PDE4C: variants seen among roughly 807,000 people sequenced by gnomAD.
PDE4C encodes the protein phosphodiesterase 4C.
Under a neutral mutation model 63.9 loss-of-function variants are expected in PDE4C, and 50 were observed. That is an observed-to-expected ratio of 0.78 (90% confidence interval 0.62 to 0.99). PDE4C has a LOEUF of 0.99. Ranked by LOEUF, PDE4C falls within the 50% of genes least tolerant of loss-of-function variation. The pLI, the probability that PDE4C is intolerant of heterozygous loss-of-function variation, is 0.00. For synonymous variants in PDE4C, 377 were observed against 385.1 expected (o/e 0.98, Z 0.25); for missense variants, 777 against 899.1 (o/e 0.86, Z 1.74).
upstream of PDE4C, chr19:18,252,129 GT>G: frequency 2.5e-6 from 1 of 399,396 alleles, no homozygotes; most frequent in Non-Finnish European, 4.4e-6. Flanking sequence ...GCTGTGGGAA[GT>G]GGGGCTCCAG....
rs1219135049 is a variant in PDE4C at position 18,219,336 on chromosome 19, G to A, written c.768C>T (p.Ser256=). 9 of 1,613,912 alleles carry A rather than the reference G, an allele frequency of 5.6e-6. No individual in the cohort carries two copies. In the East Asian group the frequency reaches 1.8e-4, roughly 32 times the overall value. Residue 256 remains serine, a synonymous_variant, in exon 8 of 15, where the codon TCC becomes TCT. Transcript: ENST00000262805. ...AGAGCCCATGTAGGCCACTGATCCG[G>A]GACATGGGCTGTGGGGCCTCCTCAG...
At chr19:18,222,187 C>T (rs759923759) in exon 2 of PDE4C, 12 of 1,614,136 alleles carry the variant, frequency 7.4e-6, no homozygotes, top group Middle Eastern at 1.6e-4. Context: ...AGTTCATAGT[C>T]GCTATCTGAG....
intron 1 of PDE4C, among the ~76,000 whole-genome samples, chr19:18,240,524 G>A (rs886276874): frequency 9.2e-5 from 14 of 151,528 alleles, no homozygotes; most frequent in South Asian, 4.2e-4. Flanking sequence ...TCAAGAGATC[G>A]AGACCAGCCC....
chr19:18,252,058 A>G (rs1451350898), upstream of PDE4C: 1 of 398,408 alleles, frequency 2.5e-6, no homozygotes, highest in Non-Finnish European at 4.4e-6. Context: ...ATCTCTTAAT[A>G]CTCACCTGGG....
At chr19:18,233,079 C>T in exon 1 of PDE4C, 1 of 1,570,344 alleles carries the variant, frequency 6.4e-7, no homozygotes, top group Non-Finnish European at 8.6e-7. Context: ...GCGGATGGGG[C>T]GCCGGGGTTG....
chr19:18,241,488 C>T (rs866955266), intron 1 of PDE4C, among the ~76,000 whole-genome samples: 18 of 151,834 alleles, frequency 1.2e-4, no homozygotes, highest in East Asian at 5.8e-4. Context: ...GGGATGGTCT[C>T]GATCTCCTGA....
chr19:18,255,242 C>G, the PDE4C span: 1 of 397,756 alleles, frequency 2.5e-6, no homozygotes, highest in African/African-American at 2.1e-5. The surrounding 1 kb of genome is among the most constrained non-coding windows in gnomAD (Gnocchi z 4.6). Context: ...TATTGTAATT[C>G]ACACCAGCTT....
At chr19:18,242,475 CAAA>C (rs748870873) in intron 1 of PDE4C, among the ~76,000 whole-genome samples, 3 of 29,814 alleles carry the variant, frequency 1.0e-4, no homozygotes, top group African/African-American at 1.4e-4. Flanking sequence ...GACTCCATCT[CAAA>C]AAAAAAAAAA....
At chr19:18,210,712 G>T in exon 15 of PDE4C, 2 of 624,232 alleles carry the variant, frequency 3.2e-6, no homozygotes, top group Non-Finnish European at 5.0e-6. Flanking sequence ...CTGCCCCTTA[G>T]AGAGCTCTTT....
At chr19:18,254,633 T>C in the PDE4C span, among the ~76,000 whole-genome samples, 1 of 152,136 alleles carries the variant, frequency 6.6e-6, no homozygotes, top group Non-Finnish European at 1.5e-5. Flanking sequence ...TCAGCAGCCA[T>C]GGTGGCCTCT....
At chr19:18,247,476 A>G (rs540877378) in intron 1 of PDE4C, among the ~76,000 whole-genome samples, 2 of 152,300 alleles carry the variant, frequency 1.3e-5, no homozygotes, top group African/African-American at 4.8e-5. Context: ...TTGTGTGTCT[A>G]GTAGAGACGG....
intron 14 of PDE4C, 41 bp from the exon 15 acceptor site, chr19:18,211,317 C>T: frequency 6.7e-7 from 1 of 1,501,624 alleles, no homozygotes; most frequent in Non-Finnish European, 9.0e-7. Flanking sequence ...TGGTGAGTTA[C>T]AGTGAACCCT....
At chr19:18,250,017 T>G (rs950337736), upstream of PDE4C, 8 of 398,146 alleles carry the variant, frequency 2.0e-5, no homozygotes, top group Middle Eastern at 1.9e-3. Context: ...CCATAACTCG[T>G]GTTTTCACAC....
intron 2 of PDE4C, 42 bp downstream of exon 2, chr19:18,222,090 G>A: frequency 3.3e-6 from 5 of 1,523,844 alleles, no homozygotes; most frequent in South Asian, 1.2e-5. Flanking sequence ...AAAGGAAGGA[G>A]GGAGGGTAGA....
intron 1 of PDE4C, chr19:18,224,189 A>C: frequency 1.0e-6 from 1 of 985,016 alleles, no homozygotes; most frequent in Non-Finnish European, 1.2e-6. Context: ...CAGAGGTCAG[A>C]GAAAGGGCGT....
upstream of PDE4C, among the ~76,000 whole-genome samples, chr19:18,230,010 T>C (rs1420387146): frequency 6.6e-6 from 1 of 152,120 alleles, no homozygotes; most frequent in East Asian, 1.9e-4. Flanking sequence ...ATGCTTTGTC[T>C]TTTGGGTTAC....
rs186541319 is a variant in PDE4C, at chr19:18,220,828, G to A, written c.499+46C>T. 257 of 1,557,064 alleles carry A rather than the reference G, an allele frequency of 1.7e-4. 1 individual carries two copies. In the African/African-American group the frequency reaches 3.1e-3, roughly 19 times the overall value. ...CTGGGGAGGTCACTATGGAAAGGAAGCTCCCAGCTGTCCTCAGCGGGGGAG... is the reference window on the plus strand; with the variant it reads ...CTGGGGAGGTCACTATGGAAAGGAAACTCCCAGCTGTCCTCAGCGGGGGAG... On this transcript the variant is annotated intron_variant, in intron 5 of 14. Transcript: ENST00000262805. This position sits in a 1 kb window ranked among gnomAD's most constrained non-coding sequence, Gnocchi z 5.1.
chr19:18,233,002 G>A, exon 1 of PDE4C: 1 of 1,514,574 alleles, frequency 6.6e-7, no homozygotes, highest in Non-Finnish European at 8.9e-7. Context: ...AGCTCCGGCC[G>A]CGGGCTCAGG....
At chr19:18,215,132 C>A (rs1001877235) in intron 12 of PDE4C, among the ~76,000 whole-genome samples, 1 of 152,104 alleles carries the variant, frequency 6.6e-6, no homozygotes, top group African/African-American at 2.4e-5. Context: ...AAGACCCCAA[C>A]TCCACCTCAC....
Sources: allele counts gnomAD v4.1 joint callset (sites outside exome capture counted in the v4.1 genomes callset), GRCh38; gene constraint gnomAD v4.1.1; non-coding constraint Gnocchi (gnomAD v3.1); transcripts MANE v1.5; gene names NCBI Gene and HGNC (gene_info 2026-07-23, HGNC 2026-07-21).